The following NXPE2 variants were observed in gnomAD, a reference collection of about 807,000 sequenced individuals.
NXPE2 encodes the protein NXPE family member 2.
In NXPE2, 34 loss-of-function variants were observed where a neutral mutation model predicts 34.4. The observed-to-expected ratio is 0.99, with a 90% CI of 0.75 to 1.31. NXPE2 has a LOEUF of 1.31. NXPE2 is among the 40% of genes most tolerant of loss of function. The probability of loss-of-function intolerance (pLI) is 0.00; values close to 1 mark genes in which losing one functional copy is unlikely to be tolerated. For missense variants in NXPE2, 649 were observed against 672.5 expected, an observed-to-expected ratio of 0.97 and a Z score of 0.39; for synonymous variants, 235 against 231.3, an observed-to-expected ratio of 1.02 and a Z score of -0.15.
At chr11:114,725,976 A>AAAAAAAATATATATATATATAT in the NXPE2 span, among the ~76,000 whole-genome samples, 1 of 101,768 alleles carries the variant, frequency 9.8e-6, no homozygotes, top group Non-Finnish European at 2.1e-5. Flanking sequence ...ATAAAAAAAA[A>AAAAAAAATATATATATATATAT]ATATATATAT....
downstream of NXPE2, among the ~76,000 whole-genome samples, chr11:114,708,196 T>G (rs1951504168): frequency 2.0e-5 from 3 of 152,206 alleles, no homozygotes; most frequent in Admixed American, 2.0e-4. Flanking sequence ...GAAAATTATT[T>G]GGAACTTAGT....
chr11:114,714,769 A>G, the NXPE2 span, among the ~76,000 whole-genome samples: 1 of 152,166 alleles, frequency 6.6e-6, no homozygotes, highest in Non-Finnish European at 1.5e-5. Flanking sequence ...CACACCTATA[A>G]TCCCAGCACT....
chr11:114,637,794 C>G, the NXPE2 span, among the ~76,000 whole-genome samples: 1 of 151,986 alleles, frequency 6.6e-6, no homozygotes, highest in South Asian at 2.1e-4. Flanking sequence ...TATTGGCCCC[C>G]ACTCTCTTCT....
chr11:114,514,745 T>C, the NXPE2 span, among the ~76,000 whole-genome samples: 1 of 152,126 alleles, frequency 6.6e-6, no homozygotes. Flanking sequence ...AAATACTTCA[T>C]CTTTTCTTTA....
the NXPE2 span, among the ~76,000 whole-genome samples, chr11:114,593,869 C>T: frequency 5.9e-5 from 9 of 152,028 alleles, no homozygotes; most frequent in Non-Finnish European, 1.2e-4. Context: ...CTGTCATTTG[C>T]AACAACATGG....
At chr11:114,471,036 A>C in the NXPE2 span, among the ~76,000 whole-genome samples, 2 of 152,210 alleles carry the variant, frequency 1.3e-5, no homozygotes, top group African/African-American at 4.8e-5. Context: ...TCTGGATTCT[A>C]GTCCTCTCTA....
the NXPE2 span, chr11:114,530,764 G>GCCCC: frequency 6.2e-7 from 1 of 1,614,194 alleles, no homozygotes; most frequent in Non-Finnish European, 8.5e-7. Context: ...GGGATCTGCT[G>GCCCC]ATCTAGTTTC....
chr11:114,504,387 C>G, the NXPE2 span, among the ~76,000 whole-genome samples: 1 of 152,186 alleles, frequency 6.6e-6, no homozygotes, highest in Non-Finnish European at 1.5e-5. Context: ...AATGCCACCT[C>G]CAGTGCAACA....
the NXPE2 span, among the ~76,000 whole-genome samples, chr11:114,807,741 T>C: frequency 4.7e-4 from 71 of 151,756 alleles, no homozygotes; most frequent in Non-Finnish European, 1.2e-4. Context: ...ACAATAATAA[T>C]GGGAGACTTT....
At chr11:114,604,926 G>C in the NXPE2 span, among the ~76,000 whole-genome samples, 1 of 151,924 alleles carries the variant, frequency 6.6e-6, no homozygotes, top group South Asian at 2.1e-4. Context: ...GTTGCCTCTA[G>C]GGTACCCACT....
the NXPE2 span, chr11:114,523,085 T>A: frequency 5.0e-6 from 8 of 1,611,240 alleles, no homozygotes; most frequent in East Asian, 2.2e-5. Context: ...TTCTATTTTT[T>A]CTCTCTCTGG....
chr11:114,533,393 A>G, the NXPE2 span, among the ~76,000 whole-genome samples: 1 of 152,166 alleles, frequency 6.6e-6, no homozygotes, highest in Non-Finnish European at 1.5e-5. Context: ...TGAATTTCCA[A>G]CTGAGGTACT....
chr11:114,513,222 A>G, the NXPE2 span: 2 of 533,366 alleles, frequency 3.7e-6, no homozygotes, highest in African/African-American at 1.9e-5. Flanking sequence ...TGCCTCCTGT[A>G]GTGCGTGTCT....
chr11:114,471,822 C>G, the NXPE2 span, among the ~76,000 whole-genome samples: 1 of 152,144 alleles, frequency 6.6e-6, no homozygotes, highest in East Asian at 1.9e-4. Context: ...GGGCATGATG[C>G]CTTTGAGGAA....
At chr11:114,514,255 A>G in the NXPE2 span, among the ~76,000 whole-genome samples, 1 of 152,184 alleles carries the variant, frequency 6.6e-6, no homozygotes, top group Non-Finnish European at 1.5e-5. Flanking sequence ...TCATTGCTGG[A>G]CGTATAGGTT....
At chr11:114,582,587 C>G in the NXPE2 span, 2 of 1,614,192 alleles carry the variant, frequency 1.2e-6, no homozygotes, top group East Asian at 4.5e-5. Context: ...GCAGCAGAGA[C>G]AGAGAGACCT....
chr11:114,471,464 T>C, the NXPE2 span, among the ~76,000 whole-genome samples: 44 of 152,220 alleles, frequency 2.9e-4, 1 homozygote, highest in Non-Finnish European at 1.0e-4. Flanking sequence ...ACCCTCATTT[T>C]AAGGCTAAGG....
the NXPE2 span, chr11:114,571,250 G>C: frequency 1.2e-6 from 2 of 1,614,032 alleles, no homozygotes; most frequent in Middle Eastern, 1.7e-4. Flanking sequence ...CAATGGGAAA[G>C]GGTCTGAAAT....
At chr11:114,721,713 G>A in the NXPE2 span, among the ~76,000 whole-genome samples, 1 of 152,082 alleles carries the variant, frequency 6.6e-6, no homozygotes, top group Non-Finnish European at 1.5e-5. Context: ...ACTAATCCCC[G>A]AGGCAGGTAG....
Sources: allele counts gnomAD v4.1 joint callset (sites outside exome capture counted in the v4.1 genomes callset), GRCh38; gene constraint gnomAD v4.1.1; transcripts MANE v1.5; gene names NCBI Gene and HGNC (gene_info 2026-07-23, HGNC 2026-07-21).